Variants in DCLK2 observed in about 807,000 individuals in gnomAD.
DCLK2 encodes doublecortin like kinase 2, also known as serine/threonine-protein kinase DCLK2.
DCLK2 carries 31 observed loss-of-function variants against 78.4 expected under a neutral mutation model. The ratio of observed to expected loss-of-function variants is 0.40; its 90% confidence interval spans 0.30 to 0.53. The LOEUF is 0.53. DCLK2 is among the 20% of genes least tolerant of loss of function. The pLI, the probability that DCLK2 is intolerant of heterozygous loss-of-function variation, is 0.61. For missense variants in DCLK2, 872 were observed against 973.7 expected (o/e 0.90, Z 1.39); for synonymous variants, 407 against 374.9 (o/e 1.09, Z -0.99).
intron 5 of DCLK2, among the ~76,000 whole-genome samples, chr4:150,204,599 A>G (rs1464213402): frequency 6.6e-6 from 1 of 152,328 alleles, no homozygotes; most frequent in East Asian, 1.9e-4. Flanking sequence ...AGAGCTAAAG[A>G]TGGAATTTCC....
At chr4:150,240,768 AG>A (rs1425018414) in intron 12 of DCLK2, among the ~76,000 whole-genome samples, 20 of 80,744 alleles carry the variant, frequency 2.5e-4, no homozygotes, top group Non-Finnish European at 3.0e-4. Flanking sequence ...AAAAAGAAAA[AG>A]AAAAAAAAAA....
chr4:150,237,240 TATATC>T (rs10585139), intron 10 of DCLK2, among the ~76,000 whole-genome samples: 121,023 of 151,572 alleles, frequency 0.8, 50,605 homozygotes, highest in Middle Eastern at 0.93. Context: ...TAACTATAAT[TATATC>T]AGATTGTTCT....
chr4:150,168,574 A>G (rs942715099), intron 2 of DCLK2, among the ~76,000 whole-genome samples: 2 of 152,170 alleles, frequency 1.3e-5, no homozygotes, highest in Admixed American at 6.5e-5. Flanking sequence ...CTGCAGACGC[A>G]TGTGGATTCA....
intron 2 of DCLK2, among the ~76,000 whole-genome samples, chr4:150,104,320 T>A (rs1218734292): frequency 2.1e-5 from 3 of 140,804 alleles, no homozygotes; most frequent in African/African-American, 8.1e-5. Context: ...CCCAGGAGTT[T>A]CGGGCTGCAG....
intron 2 of DCLK2, among the ~76,000 whole-genome samples, chr4:150,139,487 T>C (rs1335038056): frequency 2.0e-5 from 3 of 152,192 alleles, no homozygotes; most frequent in African/African-American, 7.2e-5. Flanking sequence ...AGCCACAGCA[T>C]ATTGTGGTCA....
chr4:150,188,555 T>C (rs917878002), intron 2 of DCLK2, among the ~76,000 whole-genome samples: 5 of 152,180 alleles, frequency 3.3e-5, no homozygotes, highest in Non-Finnish European at 5.9e-5. Flanking sequence ...ATGTACACTA[T>C]GTTTGGGAAT....
intron 8 of DCLK2, 46 bp from the exon 9 acceptor site, chr4:150,232,291 G>A (rs1395543945): frequency 6.3e-7 from 1 of 1,596,924 alleles, no homozygotes; most frequent in African/African-American, 1.3e-5. Context: ...CGAGAGCAGA[G>A]GGTTCTGTGA....
intron 1 of DCLK2, among the ~76,000 whole-genome samples, chr4:150,089,557 C>A (rs1432950029): frequency 2.0e-5 from 3 of 152,132 alleles, no homozygotes; most frequent in Non-Finnish European, 2.9e-5. Context: ...CAATGGTAGC[C>A]ATTTAAGATT....
At chr4:150,184,690 C>T (rs1737783731) in intron 2 of DCLK2, among the ~76,000 whole-genome samples, 1 of 151,514 alleles carries the variant, frequency 6.6e-6, no homozygotes, top group African/African-American at 2.4e-5. Flanking sequence ...CAAGCTCGAC[C>T]TCCTGGGTTC....
At chr4:150,170,538 G>A (rs113581513) in intron 2 of DCLK2, among the ~76,000 whole-genome samples, 76 of 152,298 alleles carry the variant, frequency 5.0e-4, no homozygotes, top group Middle Eastern at 6.8e-3. Flanking sequence ...TAGGGGAAAC[G>A]AGGAGGATAT....
At chr4:150,161,133 A>G (rs376878464) in intron 2 of DCLK2, among the ~76,000 whole-genome samples, 41 of 152,320 alleles carry the variant, frequency 2.7e-4, no homozygotes, top group African/African-American at 8.9e-4. Flanking sequence ...CAGGGACTGA[A>G]AGTTAGTCAA....
At chr4:150,210,488 C>T (rs1740210624) in intron 5 of DCLK2, among the ~76,000 whole-genome samples, 1 of 152,104 alleles carries the variant, frequency 6.6e-6, no homozygotes, top group African/African-American at 2.4e-5. Flanking sequence ...CCAACCCTAT[C>T]AATAATCTAT....
intron 1 of DCLK2, among the ~76,000 whole-genome samples, chr4:150,095,634 TA>T (rs1730403582): frequency 1.3e-5 from 2 of 152,206 alleles, no homozygotes; most frequent in Admixed American, 1.3e-4. Context: ...GCTGTTTTCC[TA>T]GAGTGTATTT....
intron 2 of DCLK2, among the ~76,000 whole-genome samples, chr4:150,189,831 G>A (rs990976319): frequency 3.3e-5 from 5 of 151,578 alleles, no homozygotes; most frequent in African/African-American, 2.4e-5. Flanking sequence ...CTAAAGCCAG[G>A]AACTCTACTA....
intron 1 of DCLK2, among the ~76,000 whole-genome samples, chr4:150,087,984 C>T (rs956396143): frequency 6.6e-6 from 1 of 151,966 alleles, no homozygotes; most frequent in African/African-American, 2.4e-5. Flanking sequence ...GCCAGGAGGG[C>T]GGCAGAAGAT....
In DCLK2 at chr4:150,240,269, A is replaced by G. The variant is rs527643033; in HGVS notation, c.1701-130A>G. On this transcript the variant is annotated intron_variant, in intron 11 of 15. Transcript: ENST00000296550. Reference sequence around the variant, plus strand: ...TCTAAAGTGTGATTCATTCATCTCTATGTGAAATGAAATGAATAATTTAAC... The same window carrying G: ...TCTAAAGTGTGATTCATTCATCTCTGTGTGAAATGAAATGAATAATTTAAC... 5.0e-5 allele frequency: 39 copies of G among 773,718 alleles called. No individual in the cohort carries two copies. The Admixed American group carries it at 5.9e-4, about 12-fold the overall frequency. The allele number at this position is 773,718 out of a possible 1,614,324, so 47.9% of individuals were successfully genotyped here. A position where few individuals can be genotyped will look rare whatever the true frequency, so the allele number is the denominator to read the frequency against.
intron 1 of DCLK2, 117 bp downstream of exon 1, chr4:150,079,565 C>T (rs1729090607): frequency 9.8e-7 from 1 of 1,016,906 alleles, no homozygotes; most frequent in African/African-American, 1.7e-5. Flanking sequence ...GGAATTGATG[C>T]TTCTGTCTGC....
intron 2 of DCLK2, among the ~76,000 whole-genome samples, chr4:150,134,076 CTTTTTTTTT>C (rs768954755): frequency 1.1e-5 from 1 of 94,852 alleles, no homozygotes; most frequent in Non-Finnish European, 2.0e-5. Flanking sequence ...CGTATAAACT[CTTTTTTTTT>C]TTTTTTTTTT....
At chr4:150,088,496 TAG>T (rs1202601249) in intron 1 of DCLK2, among the ~76,000 whole-genome samples, 1 of 152,068 alleles carries the variant, frequency 6.6e-6, no homozygotes, top group African/African-American at 2.4e-5. Context: ...ATTTTATAAC[TAG>T]AGACAGAGTC....
Sources: allele counts gnomAD v4.1 joint callset (sites outside exome capture counted in the v4.1 genomes callset), GRCh38; gene constraint gnomAD v4.1.1; transcripts MANE v1.5; gene names NCBI Gene and HGNC (gene_info 2026-07-23, HGNC 2026-07-21).